The following DNAJC1 variants were observed in gnomAD, a reference collection of about 807,000 sequenced individuals.
The protein encoded by DNAJC1 is DnaJ heat shock protein family (Hsp40) member C1.
In DNAJC1, 58 loss-of-function variants were observed where a neutral mutation model predicts 76.6. That is an observed-to-expected ratio of 0.76 (90% confidence interval 0.61 to 0.94). The LOEUF (loss-of-function observed/expected upper bound fraction) is 0.94, where lower values mean the gene tolerates loss of function less well. Among genes scored for constraint, DNAJC1 ranks in the 40% least tolerant of loss-of-function variants. The pLI, the probability that DNAJC1 is intolerant of heterozygous loss-of-function variation, is 0.00. For synonymous variants in DNAJC1, 258 were observed against 267.9 expected (o/e 0.96, Z 0.36); for missense variants, 689 against 677.3 (o/e 1.02, Z -0.19).
At chr10:21,870,827 A>T (rs1836091199) in intron 8 of DNAJC1, among the ~76,000 whole-genome samples, 1 of 152,076 alleles carries the variant, frequency 6.6e-6, no homozygotes, top group South Asian at 2.1e-4. Flanking sequence ...ACAGACAGAC[A>T]GAAAGACAGA....
intron 3 of DNAJC1, among the ~76,000 whole-genome samples, chr10:21,925,416 T>A (rs993336649): frequency 1.3e-5 from 2 of 152,320 alleles, no homozygotes; most frequent in African/African-American, 4.8e-5. Context: ...CTTAAACGTT[T>A]ATTCACAATT....
intron 7 of DNAJC1, among the ~76,000 whole-genome samples, chr10:21,885,409 T>A (rs1284381157): frequency 6.6e-6 from 1 of 152,080 alleles, no homozygotes; most frequent in Admixed American, 6.6e-5. Context: ...CAACACTCCA[T>A]TGACAGTATT....
At chr10:21,988,264 C>G (rs2131844430) in intron 1 of DNAJC1, among the ~76,000 whole-genome samples, 1 of 152,194 alleles carries the variant, frequency 6.6e-6, no homozygotes, top group East Asian at 1.9e-4. Flanking sequence ...GTTAGAAAGG[C>G]ATCAGCTGCC....
At chr10:21,770,696 G>C (rs1472370226) in intron 9 of DNAJC1, among the ~76,000 whole-genome samples, 1 of 152,144 alleles carries the variant, frequency 6.6e-6, no homozygotes, top group Non-Finnish European at 1.5e-5. Flanking sequence ...ACCATGCCTG[G>C]CCAGAGTTGT....
intron 8 of DNAJC1, among the ~76,000 whole-genome samples, chr10:21,866,619 T>C (rs1836005478): frequency 6.6e-6 from 1 of 152,142 alleles, no homozygotes; most frequent in African/African-American, 2.4e-5. Flanking sequence ...TGGCTGTAGC[T>C]GGTCAAACAA....
chr10:21,924,804 A>G (rs1260898622), intron 3 of DNAJC1, among the ~76,000 whole-genome samples: 1 of 152,214 alleles, frequency 6.6e-6, no homozygotes, highest in African/African-American at 2.4e-5. Context: ...TATGTTGTAT[A>G]GCTTCTACAC....
At chr10:21,872,798 T>G (rs1836124756) in intron 8 of DNAJC1, among the ~76,000 whole-genome samples, 1 of 152,092 alleles carries the variant, frequency 6.6e-6, no homozygotes, top group African/African-American at 2.4e-5. Flanking sequence ...CTTCCAAAAT[T>G]TGAAGCTCAA....
At chr10:21,818,042 G>C (rs530920292) in intron 8 of DNAJC1, among the ~76,000 whole-genome samples, 133 of 152,324 alleles carry the variant, frequency 8.7e-4, no homozygotes, top group Admixed American at 2.5e-3. Context: ...TAACAGCAAT[G>C]TTCAGGGAAC....
chr10:21,979,763 G>C (rs936448387), intron 1 of DNAJC1, among the ~76,000 whole-genome samples: 2 of 151,074 alleles, frequency 1.3e-5, no homozygotes, highest in Non-Finnish European at 1.5e-5. Context: ...ATCCGGCTAA[G>C]GTACAATGGA....
chr10:21,758,036 G>C (rs557184102), intron 11 of DNAJC1, among the ~76,000 whole-genome samples: 1 of 152,316 alleles, frequency 6.6e-6, no homozygotes, highest in East Asian at 1.9e-4. Flanking sequence ...CTGCAAACCA[G>C]TCGGAGAGGC....
At chr10:21,967,014 C>T (rs1386950838) in intron 1 of DNAJC1, among the ~76,000 whole-genome samples, 5 of 138,762 alleles carry the variant, frequency 3.6e-5, no homozygotes, top group Admixed American at 7.3e-5. Context: ...TCTTCTTCTT[C>T]TTTTTTTTTT....
chr10:21,833,109 C>T (rs1835387608), intron 8 of DNAJC1, among the ~76,000 whole-genome samples: 1 of 152,224 alleles, frequency 6.6e-6, no homozygotes, highest in Non-Finnish European at 1.5e-5. Flanking sequence ...ACAAAGTACA[C>T]CTCAAAATAT....
At chr10:21,925,746 C>A (rs754857087) in intron 3 of DNAJC1, among the ~76,000 whole-genome samples, 1 of 152,156 alleles carries the variant, frequency 6.6e-6, no homozygotes, top group Non-Finnish European at 1.5e-5. Context: ...TTTATAAATA[C>A]ACTAAATCGA....
chr10:21,794,853 G>C (rs1834734890), intron 9 of DNAJC1, among the ~76,000 whole-genome samples: 1 of 152,044 alleles, frequency 6.6e-6, no homozygotes. Flanking sequence ...TATACAGGTT[G>C]AGTATTCCTT....
chr10:21,977,261 C>A (rs531935664), intron 1 of DNAJC1, among the ~76,000 whole-genome samples: 59 of 151,578 alleles, frequency 3.9e-4, no homozygotes, highest in Admixed American at 2.2e-3. Context: ...ATGAAAAAAA[C>A]ACACACACAC....
intron 10 of DNAJC1, among the ~76,000 whole-genome samples, chr10:21,765,404 G>A (rs565850909): frequency 3.2e-4 from 49 of 152,104 alleles, no homozygotes; most frequent in African/African-American, 1.1e-3. Flanking sequence ...GCTAATTGTT[G>A]GCTTGTTCAT....
chr10:21,877,657 G>A (rs1353530008), intron 8 of DNAJC1, among the ~76,000 whole-genome samples: 1 of 152,158 alleles, frequency 6.6e-6, no homozygotes, highest in African/African-American at 2.4e-5. Flanking sequence ...AAATATAAAA[G>A]ACTTGACCAA....
intron 1 of DNAJC1, among the ~76,000 whole-genome samples, chr10:22,001,521 C>CTA: frequency 6.6e-6 from 1 of 152,310 alleles, no homozygotes; most frequent in East Asian, 1.9e-4. Context: ...TCTTGATTAT[C>CTA]TATGCTTCTT....
chr10:21,987,354 A>G (rs982097960), intron 1 of DNAJC1, among the ~76,000 whole-genome samples: 1 of 152,236 alleles, frequency 6.6e-6, no homozygotes, highest in Non-Finnish European at 1.5e-5. Flanking sequence ...AAGAGTAAAT[A>G]CAATAATATA....
Sources: allele counts gnomAD v4.1 joint callset (sites outside exome capture counted in the v4.1 genomes callset), GRCh38; gene constraint gnomAD v4.1.1; transcripts MANE v1.5; gene names NCBI Gene and HGNC (gene_info 2026-07-23, HGNC 2026-07-21).